The following BNC2 variants were observed in gnomAD, a reference collection of about 807,000 sequenced individuals.
BNC2 encodes the protein zinc finger protein basonuclin-2.
Under a neutral mutation model 76.3 loss-of-function variants are expected in BNC2, and 20 were observed. The ratio of observed to expected loss-of-function variants is 0.26; its 90% confidence interval spans 0.18 to 0.38. The LOEUF (loss-of-function observed/expected upper bound fraction) is 0.38. Among genes scored for constraint, BNC2 ranks in the 10% least tolerant of loss-of-function variants. The pLI, the probability that BNC2 is intolerant of heterozygous loss-of-function variation, is 1.00. For missense variants in BNC2, 1,382 were observed against 1,399.8 expected (o/e 0.99, Z 0.20); for synonymous variants, 582 against 514.8 (o/e 1.13, Z -1.77).
intron 1 of BNC2, among the ~76,000 whole-genome samples, chr9:16,844,499 T>C (rs1294267818): frequency 3.7e-4 from 53 of 144,836 alleles, no homozygotes; most frequent in Non-Finnish European, 7.2e-4. Context: ...TTTTCTTTTT[T>C]TTTTTTTTTT....
At chr9:16,711,040 C>G (rs1563910377) in intron 3 of BNC2, among the ~76,000 whole-genome samples, 1 of 152,002 alleles carries the variant, frequency 6.6e-6, no homozygotes, top group Non-Finnish European at 1.5e-5. Context: ...CCCTCGCTCC[C>G]TCTAATGAGA....
intron 1 of BNC2, among the ~76,000 whole-genome samples, chr9:16,774,007 A>C (rs1238158034): frequency 2.0e-5 from 3 of 152,122 alleles, no homozygotes; most frequent in Non-Finnish European, 4.4e-5. Flanking sequence ...TTAAAGACAC[A>C]GTCTCACTCT....
intron 1 of BNC2, among the ~76,000 whole-genome samples, chr9:16,804,575 C>T (rs1817858434): frequency 6.6e-6 from 1 of 152,202 alleles, no homozygotes; most frequent in African/African-American, 2.4e-5. Flanking sequence ...AATAAAACTG[C>T]ATGTCCTGGA....
rs930072811 is a variant in BNC2, at chr9:16,414,414, C to T, written c.*4575G>A. Reference sequence around the variant, plus strand: ...CTCATCTTACTCATTTAGATCCATCCCCAAAAAATAAACAATGAGAGGGAA... The same window carrying T: ...CTCATCTTACTCATTTAGATCCATCTCCAAAAAATAAACAATGAGAGGGAA... On this transcript the variant is annotated 3_prime_UTR_variant, in exon 7 of 7. Transcript: ENST00000380672. 1.3e-5 allele frequency: 2 copies of T among 152,056 alleles called. No homozygotes were observed. The highest frequency in any genetic ancestry group is 4.8e-5 in the African/African-American group (2 of 41,406). 9.4% of individuals were successfully genotyped at this position (152,056 alleles called of 1,614,324 possible).
chr9:16,435,252 T>G (rs1820982001), intron 6 of BNC2, among the ~76,000 whole-genome samples: 2 of 152,132 alleles, frequency 1.3e-5, no homozygotes, highest in Admixed American at 1.3e-4. Context: ...ACCGTGTACA[T>G]AGTTAACTTA....
At chr9:16,718,526 G>C (rs964776616) in intron 3 of BNC2, among the ~76,000 whole-genome samples, 1 of 152,130 alleles carries the variant, frequency 6.6e-6, no homozygotes, top group African/African-American at 2.4e-5. Flanking sequence ...TGAAATTTGA[G>C]TCAGAGAGAC....
At chr9:16,494,611 A>G (rs1477206794) in intron 5 of BNC2, among the ~76,000 whole-genome samples, 1 of 152,180 alleles carries the variant, frequency 6.6e-6, no homozygotes, top group South Asian at 2.1e-4. Context: ...TTTTTCAGGG[A>G]AAAGGAACAG....
chr9:16,673,584 T>C (rs1822549356), intron 3 of BNC2, among the ~76,000 whole-genome samples: 1 of 152,176 alleles, frequency 6.6e-6, no homozygotes, highest in African/African-American at 2.4e-5. Flanking sequence ...AGAAAAAGTA[T>C]ACCATCATCA....
At chr9:16,780,150 G>A (rs1826092584) in intron 1 of BNC2, among the ~76,000 whole-genome samples, 1 of 148,658 alleles carries the variant, frequency 6.7e-6, no homozygotes, top group East Asian at 2.0e-4. Flanking sequence ...GTAGGAGAAT[G>A]GCGCGAACCT....
At chr9:16,849,335 C>T (rs937283290) in intron 1 of BNC2, among the ~76,000 whole-genome samples, 3 of 148,598 alleles carry the variant, frequency 2.0e-5, no homozygotes, top group Admixed American at 6.7e-5. Flanking sequence ...CCTAGATCTG[C>T]AGATTCCATG....
chr9:16,832,275 A>G, intron 1 of BNC2: 1 of 1,285,166 alleles, frequency 7.8e-7, no homozygotes, highest in South Asian at 1.3e-5. Flanking sequence ...AGGTTCTTTG[A>G]CGTCATCAGT....
At chr9:16,834,460 GAGTCAGACTATA>G (rs1329402111) in intron 1 of BNC2, among the ~76,000 whole-genome samples, 1 of 152,152 alleles carries the variant, frequency 6.6e-6, no homozygotes, top group African/African-American at 2.4e-5. Context: ...ACCAGGCTTA[GAGTCAGACTATA>G]AGTCAGACCT....
chr9:16,813,741 G>A (rs945753507), intron 1 of BNC2, among the ~76,000 whole-genome samples: 2 of 152,178 alleles, frequency 1.3e-5, no homozygotes, highest in African/African-American at 4.8e-5. Context: ...TTGAATTGTA[G>A]AAGAGGAGGT....
chr9:16,657,028 G>A (rs1347214735), intron 3 of BNC2, among the ~76,000 whole-genome samples: 1 of 152,114 alleles, frequency 6.6e-6, no homozygotes, highest in Non-Finnish European at 1.5e-5. Context: ...AGTGGGGCAA[G>A]GGTAGACACT....
At position 16,413,677 on chromosome 9, in the gene BNC2, A is replaced by G. The variant is rs764752114; in HGVS notation, c.*5312T>C. 2 of 152,146 alleles carry G rather than the reference A, an allele frequency of 1.3e-5. No homozygotes were observed. The highest frequency in any genetic ancestry group is 6.5e-5 in the Admixed American group (1 of 15,276). The allele number at this position is 152,146 out of a possible 1,614,324, so 9.4% of individuals were successfully genotyped here. A position where few individuals can be genotyped will look rare whatever the true frequency, so the allele number is the denominator to read the frequency against. On this transcript the variant is annotated 3_prime_UTR_variant, in exon 7 of 7. Coordinates refer to ENST00000380672, the MANE Select transcript of BNC2 (RefSeq NM_017637.6). ...AAAATGACCATTTATGGTGAGCAAC[A>G]CTCCAGCTACAGGAAATATGCGACT...
In BNC2 at chr9:16,421,231, C is replaced by T. The variant is rs781235868; in HGVS notation, c.2640-1582G>A. On this transcript the variant is annotated intron_variant, in intron 6 of 6. Transcript: ENST00000380672. ...TTAAGGGGCAGAGGGCAGCAGCCCT[C>T]TCCAACTGCACTTAGGAAGGCTGAG... The T allele has an allele frequency of 1.8e-5, 23 of 1,287,848 alleles. 1 individual carries two copies. In the South Asian group the frequency reaches 2.7e-4, roughly 15 times the overall value. 79.8% of individuals were successfully genotyped at this position (1,287,848 alleles called of 1,614,324 possible).
intron 1 of BNC2, among the ~76,000 whole-genome samples, chr9:16,851,007 G>A (rs1819114938): frequency 6.6e-6 from 1 of 151,800 alleles, no homozygotes; most frequent in South Asian, 2.1e-4. Flanking sequence ...TTTAAGCTAT[G>A]ACACCATCAC....
chr9:16,591,595 C>G (rs564946705), intron 3 of BNC2, among the ~76,000 whole-genome samples: 1 of 152,092 alleles, frequency 6.6e-6, no homozygotes, highest in Non-Finnish European at 1.5e-5. Context: ...ACAGAATTTA[C>G]ATGCTATGAT....
intron 1 of BNC2, among the ~76,000 whole-genome samples, chr9:16,855,201 GT>G (rs1819224162): frequency 6.6e-6 from 1 of 152,034 alleles, no homozygotes; most frequent in Non-Finnish European, 1.5e-5. Context: ...CCATGAAAAG[GT>G]GATCTTTCTC....
Sources: allele counts gnomAD v4.1 joint callset (sites outside exome capture counted in the v4.1 genomes callset), GRCh38; gene constraint gnomAD v4.1.1; transcripts MANE v1.5; gene names NCBI Gene and HGNC (gene_info 2026-07-23, HGNC 2026-07-21).